The following EGFR variants were observed in gnomAD, a reference collection of about 807,000 sequenced individuals.
EGFR encodes epidermal growth factor receptor, also known as avian erythroblastic leukemia viral (v-erb-b) oncogene homolog.
In EGFR, 58 loss-of-function variants were observed where a neutral mutation model predicts 143.0. The ratio of observed to expected loss-of-function variants is 0.41; its 90% CI spans 0.33 to 0.50. EGFR has a LOEUF of 0.50. Among genes scored for constraint, EGFR ranks in the 20% least tolerant of loss-of-function variants. The probability of loss-of-function intolerance (pLI) is 0.39; values close to 1 mark genes in which losing one functional copy is unlikely to be tolerated. For synonymous variants in EGFR, 613 were observed against 594.4 expected (o/e 1.03, Z -0.45); for missense variants, 1,307 against 1,579.0 (o/e 0.83, Z 2.92).
At position 55,209,884 on chromosome 7, in the gene EGFR, A is replaced by G. The variant is rs1788197956; in HGVS notation, c.*4267A>G. ...GCAATAGAATCAAAATTTGAAACTG[A>G]AATCTTTGTTTAAAAGGGTTAAGTT... On this transcript the variant is annotated 3_prime_UTR_variant, in exon 28 of 28. Transcript: ENST00000275493. 1 of 152,244 alleles carries G rather than the reference A, an allele frequency of 6.6e-6. No homozygotes were observed. The highest frequency in any genetic ancestry group is 1.9e-4 in the East Asian group (1 of 5,206). 9.4% of individuals were successfully genotyped at this position (152,244 alleles called of 1,614,324 possible).
At chr7:55,020,185 C>T (rs1786460013) in intron 1 of EGFR, among the ~76,000 whole-genome samples, 1 of 152,210 alleles carries the variant, frequency 6.6e-6, no homozygotes, top group Non-Finnish European at 1.5e-5. Flanking sequence ...GCCCGGTGCG[C>T]CCTCGTCTTG....
rs113928795 is a variant in EGFR at position 55,056,471 on chromosome 7, T to C, written c.88+37106T>C. Among the ~76,000 whole-genome samples the C allele has an allele frequency of 4.2e-3, 638 of 152,392 alleles. 4 individuals are homozygous for C. Among genetic ancestry groups the C allele is most frequent in the Non-Finnish European group, 7.7e-3 (523 of 68,034 alleles). On this transcript the variant is annotated intron_variant, in intron 1 of 27. Coordinates refer to ENST00000275493, the MANE Select transcript of EGFR (RefSeq NM_005228.5). Reference sequence around the variant, plus strand: ...ATATGATTAGAACATGATAGAATTTTACTCATTTGCCAACTGCGGTTCCCA... The same window carrying C: ...ATATGATTAGAACATGATAGAATTTCACTCATTTGCCAACTGCGGTTCCCA...
At chr7:55,092,870 T>G (rs1191778465) in intron 1 of EGFR, among the ~76,000 whole-genome samples, 1 of 152,266 alleles carries the variant, frequency 6.6e-6, no homozygotes, top group Non-Finnish European at 1.5e-5. Flanking sequence ...TTACTAAAGA[T>G]CTGTCCCTTT....
At chr7:55,141,793 T>C (rs1475826530) in intron 1 of EGFR, among the ~76,000 whole-genome samples, 1 of 152,196 alleles carries the variant, frequency 6.6e-6, no homozygotes, top group South Asian at 2.1e-4. Flanking sequence ...ACAATATTTT[T>C]GAGAAGTAAA....
At chr7:55,203,464 TAC>T (rs55814910) in intron 27 of EGFR, among the ~76,000 whole-genome samples, 4 of 142,252 alleles carry the variant, frequency 2.8e-5, no homozygotes, top group East Asian at 2.2e-4. Context: ...TATGCACACA[TAC>T]ACACACACCA....
At chr7:55,151,875 AAAC>A (rs17336556) in intron 5 of EGFR, among the ~76,000 whole-genome samples, 61,567 of 151,146 alleles carry the variant, frequency 0.41, 12,652 homozygotes, top group South Asian at 0.45. Context: ...CTCCGTCTCA[AAAC>A]AACAACAACA....
chr7:55,147,559 A>G (rs1276887853), intron 4 of EGFR, among the ~76,000 whole-genome samples: 1 of 151,508 alleles, frequency 6.6e-6, no homozygotes, highest in Non-Finnish European at 1.5e-5. Flanking sequence ...ATCATCAACT[A>G]CAGGGCTTTG....
At chr7:55,102,092 G>C (rs56767306) in intron 1 of EGFR, among the ~76,000 whole-genome samples, 8,575 of 151,918 alleles carry the variant, frequency 0.056, 825 homozygotes, top group African/African-American at 0.19. Flanking sequence ...CTCTCTGAAC[G>C]TGTTCCCTGC....
rs745422316 is a variant in EGFR, at chr7:55,173,056, G to A, written c.1993G>A (p.Gly665Ser). 37 of 1,613,646 alleles carry A rather than the reference G, an allele frequency of 2.3e-5. No homozygotes were observed. In the South Asian group the frequency reaches 2.4e-4, roughly 11 times the overall value. Residue 665 changes from glycine to serine, a missense_variant, in exon 17 of 28, where the codon GGC (glycine) becomes AGC (serine). Around this residue, in one of 7 missense-constraint regions of EGFR, gnomAD observed 348 missense variants for 451.5 expected, o/e 0.77. Coordinates refer to ENST00000275493, the MANE Select transcript of EGFR (RefSeq NM_005228.5). Reference sequence around the variant, plus strand: ...GCTGCTGGTGGTGGCCCTGGGGATCGGCCTCTTCATGCGAAGGCGCCACAT... The same window carrying A: ...GCTGCTGGTGGTGGCCCTGGGGATCAGCCTCTTCATGCGAAGGCGCCACAT... ...LLLLVVALGIGLFMRRRHIVR... is the reference protein window; with the variant it reads ...LLLLVVALGISLFMRRRHIVR...
At chr7:55,036,271 T>TGTGGG (rs1414370413) in intron 1 of EGFR, among the ~76,000 whole-genome samples, 2 of 22,400 alleles carry the variant, frequency 8.9e-5, no homozygotes, top group Non-Finnish European at 1.7e-4. Context: ...TGTGTGTGTG[T>TGTGGG]GGGGGGGGGG....
At chr7:55,073,742 A>G (rs959000963) in intron 1 of EGFR, among the ~76,000 whole-genome samples, 18 of 152,120 alleles carry the variant, frequency 1.2e-4, no homozygotes, top group Admixed American at 9.8e-4. Flanking sequence ...GCACCCTGTT[A>G]ATTACATAGA....
At chr7:55,184,172 G>A (rs1584243986) in intron 20 of EGFR, among the ~76,000 whole-genome samples, 1 of 152,234 alleles carries the variant, frequency 6.6e-6, no homozygotes, top group African/African-American at 2.4e-5. Context: ...GAGGTAGGGA[G>A]GGCAGTGAGC....
intron 20 of EGFR, among the ~76,000 whole-genome samples, chr7:55,184,768 T>G (rs1040492796): frequency 4.6e-5 from 7 of 152,266 alleles, no homozygotes; most frequent in African/African-American, 1.7e-4. Flanking sequence ...AGAAACCTCA[T>G]TCCTCTGTAT....
intron 1 of EGFR, among the ~76,000 whole-genome samples, chr7:55,123,223 T>G (rs965365796): frequency 1.3e-5 from 2 of 152,238 alleles, no homozygotes; most frequent in African/African-American, 2.4e-5. Flanking sequence ...ATTACAGACC[T>G]TTCCTGGTAC....
chr7:55,097,758 A>G (rs116282707), intron 1 of EGFR, among the ~76,000 whole-genome samples: 154 of 152,284 alleles, frequency 1.0e-3, no homozygotes, highest in African/African-American at 3.5e-3. Flanking sequence ...GTGCCCAACT[A>G]GGGACAGCGC....
intron 15 of EGFR, among the ~76,000 whole-genome samples, chr7:55,168,902 A>G (rs975048641): frequency 1.3e-5 from 2 of 152,014 alleles, no homozygotes; most frequent in African/African-American, 4.8e-5. Flanking sequence ...TGTCTCTCTC[A>G]TTTCTCAGAT....
At chr7:55,118,680 G>A (rs1272128736) in intron 1 of EGFR, among the ~76,000 whole-genome samples, 1 of 152,072 alleles carries the variant, frequency 6.6e-6, no homozygotes, top group Non-Finnish European at 1.5e-5. Context: ...AAGTCATTCA[G>A]AGCCATGGGT....
At chr7:55,190,371 C>T (rs1014244210) in intron 20 of EGFR, among the ~76,000 whole-genome samples, 1 of 152,134 alleles carries the variant, frequency 6.6e-6, no homozygotes, top group Non-Finnish European at 1.5e-5. Flanking sequence ...AAAGGCCTCA[C>T]AAACGGCGCC....
At position 55,211,142 on chromosome 7, in the gene EGFR, A is replaced by G. The variant is rs1788227121; in HGVS notation, c.*5525A>G. 1 of 152,232 alleles carries G rather than the reference A, an allele frequency of 6.6e-6. No individual in the cohort carries two copies. Among genetic ancestry groups the G allele is most frequent in the Non-Finnish European group, 1.5e-5 (1 of 68,034 alleles). 9.4% of individuals were successfully genotyped at this position (152,232 alleles called of 1,614,324 possible). A position where few individuals can be genotyped will look rare whatever the true frequency, so the allele number is the denominator to read the frequency against. The stretch of plus-strand genomic sequence containing the variant: ...CTGTCCTATCTGAATTCCCAGCAGA[A>G]GCACTAAGAAGCTCCACCCTATCAC... On this transcript the variant is annotated 3_prime_UTR_variant, in exon 28 of 28. Coordinates refer to ENST00000275493, the MANE Select transcript of EGFR (RefSeq NM_005228.5).
Sources: allele counts gnomAD v4.1 joint callset (sites outside exome capture counted in the v4.1 genomes callset), GRCh38; gene constraint gnomAD v4.1.1; regional missense constraint gnomAD v4.1.1; transcripts MANE v1.5; gene names NCBI Gene and HGNC (gene_info 2026-07-23, HGNC 2026-07-21).